DLGAP1: variants seen among roughly 807,000 people sequenced by gnomAD.
The protein encoded by DLGAP1 is disks large-associated protein 1.
DLGAP1 carries 11 observed loss-of-function variants against 90.8 expected under a neutral mutation model. The ratio of observed to expected loss-of-function variants is 0.12; its 90% CI spans 0.08 to 0.20. DLGAP1 has a LOEUF of 0.20. Ranked by LOEUF, DLGAP1 falls within the 10% of genes least tolerant of loss-of-function variation. The pLI is 1.00. For synonymous variants in DLGAP1, 558 were observed against 540.7 expected, an observed-to-expected ratio of 1.03 and a Z score of -0.44; for missense variants, 1,050 against 1,333.8, an observed-to-expected ratio of 0.79 and a Z score of 3.31.
At chr18:3,950,325 C>T (rs796892486) in intron 3 of DLGAP1, among the ~76,000 whole-genome samples, 11 of 152,324 alleles carry the variant, frequency 7.2e-5, no homozygotes, top group African/African-American at 2.4e-4. Context: ...ACCTGGTTAA[C>T]ACCTCTCATC....
At position 4,377,619 on chromosome 18, in the gene DLGAP1, C is replaced by G. The variant is rs77883378; in HGVS notation, c.-267+77387G>C. ...TTACAAAAAAATTCTTTTATATTGT[C>G]CTTATATTATGACATGTAAATTATT... On this transcript the variant is annotated intron_variant, in intron 1 of 12. Coordinates refer to ENST00000315677, the MANE Select transcript of DLGAP1 (RefSeq NM_004746.4). Among the ~76,000 whole-genome samples, 1,431 of 152,110 alleles carry G rather than the reference C, an allele frequency of 9.4e-3. 30 individuals are homozygous for G. Among genetic ancestry groups the G allele is most frequent in the African/African-American group, 0.033 (1,356 of 41,502 alleles).
rs960247642 is a variant in DLGAP1, at chr18:3,574,404, T to C, written c.1966-6823A>G. Reference sequence around the variant, plus strand: ...GGCCACAGCCCATAGTGGTGATTTATAGGATTCCTGCTGTCATTTATTTCA... The same window carrying C: ...GGCCACAGCCCATAGTGGTGATTTACAGGATTCCTGCTGTCATTTATTTCA... On this transcript the variant is annotated intron_variant, in intron 8 of 12. Transcript: ENST00000315677. 3.3e-5 allele frequency among the ~76,000 whole-genome samples: 5 copies of C among 152,354 alleles called. 1 individual carries two copies. The Middle Eastern group carries it at 0.01, about 311-fold the overall frequency.
At chr18:3,951,840 C>G (rs1362693270) in intron 3 of DLGAP1, among the ~76,000 whole-genome samples, 2 of 152,138 alleles carry the variant, frequency 1.3e-5, no homozygotes, top group Non-Finnish European at 2.9e-5. Flanking sequence ...TCCCCTTATG[C>G]CATGATCGTA....
intron 9 of DLGAP1, among the ~76,000 whole-genome samples, chr18:3,539,613 TC>T (rs1316397281): frequency 3.3e-5 from 5 of 152,236 alleles, no homozygotes; most frequent in African/African-American, 1.2e-4. Context: ...CTCTCCCACT[TC>T]CTACAACTTT....
At chr18:3,502,720 A>C (rs915502596) in intron 11 of DLGAP1, 75 bp from the exon 12 acceptor site, 6 of 1,506,720 alleles carry the variant, frequency 4.0e-6, no homozygotes, top group African/African-American at 1.4e-5. Flanking sequence ...AGGCATTTTC[A>C]AATATTTCAA....
At chr18:3,808,321 C>T (rs575257538) in intron 5 of DLGAP1, among the ~76,000 whole-genome samples, 60 of 150,806 alleles carry the variant, frequency 4.0e-4, no homozygotes, top group African/African-American at 1.4e-3. Flanking sequence ...AGTCAGGTCG[C>T]GTTTCTTATT....
chr18:4,401,899 C>T (rs1282071531), intron 1 of DLGAP1, among the ~76,000 whole-genome samples: 2 of 152,174 alleles, frequency 1.3e-5, no homozygotes, highest in Non-Finnish European at 2.9e-5. Flanking sequence ...CAAAGTTTCC[C>T]TCCCCCATTG....
intron 1 of DLGAP1, among the ~76,000 whole-genome samples, chr18:4,231,323 A>G (rs1388503409): frequency 6.6e-6 from 1 of 152,004 alleles, no homozygotes; most frequent in East Asian, 1.9e-4. Flanking sequence ...TCCAAAATCA[A>G]TTTTCATACT....
chr18:4,416,010 C>T (rs2082890922), intron 1 of DLGAP1, among the ~76,000 whole-genome samples: 1 of 152,026 alleles, frequency 6.6e-6, no homozygotes, highest in East Asian at 1.9e-4. Context: ...AACTGCAGTC[C>T]TATTTATTAT....
chr18:4,024,130 T>C (rs2074660950), intron 2 of DLGAP1, among the ~76,000 whole-genome samples: 1 of 152,236 alleles, frequency 6.6e-6, no homozygotes, highest in African/African-American at 2.4e-5. Context: ...GAAGTCAAAT[T>C]AAAACTCCTC....
In DLGAP1 at chr18:3,517,111, C is replaced by T. The variant is rs1471709619; in HGVS notation, c.2480-8450G>A. ...ATACTCTCATCTAGGCTCTGTTGTTCTACTTATAGAGCACACTTTATAAGA... is the reference window on the plus strand; with the variant it reads ...ATACTCTCATCTAGGCTCTGTTGTTTTACTTATAGAGCACACTTTATAAGA... On this transcript the variant is annotated intron_variant, in intron 10 of 12. Transcript: ENST00000315677. The surrounding 1 kb of genome is among the most constrained non-coding windows in gnomAD (Gnocchi z 4.1). 2.6e-5 allele frequency among the ~76,000 whole-genome samples: 4 copies of T among 152,138 alleles called. No homozygotes were observed. The highest frequency in any genetic ancestry group is 5.9e-5 in the Non-Finnish European group (4 of 68,020).
chr18:4,117,292 G>C (rs1165536251), intron 2 of DLGAP1, among the ~76,000 whole-genome samples: 1 of 152,184 alleles, frequency 6.6e-6, no homozygotes, highest in Non-Finnish European at 1.5e-5. Flanking sequence ...CTTTGTTATG[G>C]TGTCCCTAGC....
At chr18:4,451,817 A>C (rs928309168) in intron 1 of DLGAP1, among the ~76,000 whole-genome samples, 4 of 152,204 alleles carry the variant, frequency 2.6e-5, no homozygotes, top group African/African-American at 7.2e-5. Context: ...CAATGCTAGC[A>C]AAGTATCTTT....
chr18:3,915,639 A>T (rs1018696745), intron 3 of DLGAP1, among the ~76,000 whole-genome samples: 1 of 152,238 alleles, frequency 6.6e-6, no homozygotes, highest in Non-Finnish European at 1.5e-5. Context: ...AAAAATAATG[A>T]TCACAAGGAA....
chr18:4,011,909 T>G (rs895600328), intron 2 of DLGAP1, among the ~76,000 whole-genome samples: 1 of 152,088 alleles, frequency 6.6e-6, no homozygotes, highest in African/African-American at 2.4e-5. Flanking sequence ...ATAACAGCCA[T>G]GAGCATAAGC....
At chr18:3,866,215 ACTG>A (rs140285643) in intron 4 of DLGAP1, among the ~76,000 whole-genome samples, 1 of 152,092 alleles carries the variant, frequency 6.6e-6, no homozygotes, top group Non-Finnish European at 1.5e-5. Context: ...TGCAGTCTGG[ACTG>A]CTGCTGCTGC....
chr18:3,849,627 C>T (rs1258901594), intron 4 of DLGAP1, among the ~76,000 whole-genome samples: 1 of 152,116 alleles, frequency 6.6e-6, no homozygotes, highest in Non-Finnish European at 1.5e-5. Context: ...TGCCAGAGAA[C>T]CAGGGCAGAG....
At chr18:3,707,758 C>T (rs1389791880) in intron 7 of DLGAP1, among the ~76,000 whole-genome samples, 1 of 152,058 alleles carries the variant, frequency 6.6e-6, no homozygotes, top group African/African-American at 2.4e-5. Context: ...TCTATGAAGG[C>T]AAGGATTATG....
intron 4 of DLGAP1, among the ~76,000 whole-genome samples, chr18:3,817,052 T>C (rs1193675760): frequency 6.6e-6 from 1 of 152,242 alleles, no homozygotes; most frequent in Non-Finnish European, 1.5e-5. Context: ...ACTGCATAGA[T>C]ATGATCATCT....
Sources: gnomAD v4.1 joint callset for allele counts (sites outside exome capture counted in the v4.1 genomes callset) on GRCh38, gnomAD v4.1.1 for gene constraint, Gnocchi (gnomAD v3.1) non-coding constraint, MANE v1.5 for transcripts, NCBI Gene and HGNC (gene_info 2026-07-23, HGNC 2026-07-21) for gene names.